PHLDB2: variants seen among roughly 807,000 people sequenced by gnomAD.
The protein encoded by PHLDB2 is pleckstrin homology-like domain family B member 2.
A neutral mutation model predicts 123.6 loss-of-function variants in PHLDB2; 71 were observed. The ratio of observed to expected loss-of-function variants is 0.57; its 90% confidence interval spans 0.47 to 0.70. The LOEUF (loss-of-function observed/expected upper bound fraction) is 0.70, where lower values mean the gene tolerates loss of function less well. PHLDB2 is among the 30% of genes least tolerant of loss of function. PHLDB2 has a pLI of 0.00. For synonymous variants in PHLDB2, 547 were observed against 541.6 expected (o/e 1.01, Z -0.14); for missense variants, 1,446 against 1,519.5 (o/e 0.95, Z 0.80).
intron 16 of PHLDB2, among the ~76,000 whole-genome samples, chr3:111,973,083 TA>T (rs2072315533): frequency 6.6e-6 from 1 of 152,210 alleles, no homozygotes; most frequent in South Asian, 2.1e-4. Flanking sequence ...AAGAACTTAG[TA>T]GATCACAGAG....
In PHLDB2 at chr3:111,749,743, C is replaced by A. The variant is rs1463529124; in HGVS notation, c.-49+17040C>A. Among the ~76,000 whole-genome samples, 3 of 152,146 alleles carry A rather than the reference C, an allele frequency of 2.0e-5. No homozygotes were observed. The South Asian group carries it at 6.2e-4, about 31-fold the overall frequency. On this transcript the variant is annotated intron_variant, in intron 1 of 17. Coordinates refer to the PHLDB2 transcript ENST00000393923. ...AATTTTAATGGCCCAAATGAAAGAG[C>A]CTTTTTTCTTTAACAATAGTATCCT... is the stretch of plus-strand genomic sequence containing the variant.
At chr3:111,805,405 A>C (rs2061536687) in intron 1 of PHLDB2, among the ~76,000 whole-genome samples, 1 of 151,650 alleles carries the variant, frequency 6.6e-6, no homozygotes, top group African/African-American at 2.4e-5. Context: ...CTAAAAATAC[A>C]AAAAAATTAG....
chr3:111,830,955 G>GAGAGAGAGAGAGAA lies in PHLDB2; in HGVS notation c.-48-14863_-48-14862insGAGAGAGAGAAAGA, dbSNP rs1553736315. 1.2e-3 allele frequency among the ~76,000 whole-genome samples: 75 copies of GAGAGAGAGAGAGAA among 63,702 alleles called. 2 individuals are homozygous for GAGAGAGAGAGAGAA. The highest frequency in any genetic ancestry group is 1.5e-3 in the Non-Finnish European group (52 of 35,382). The allele number at this position is 63,702 out of a possible 152,430, so 41.8% of individuals were successfully genotyped here. A position where few individuals can be genotyped will look rare whatever the true frequency, so the allele number is the denominator to read the frequency against. ...GAAAGAAAAGAAGGAAAGAAAGAAAGAGAAAGAAAGAAAGAAAGAAAGAAA... is the reference window on the plus strand; with the variant it reads ...GAAAGAAAAGAAGGAAAGAAAGAAAGAGAGAGAGAGAGAAAGAAAGAAAGAAAGAAAGAAAGAAA... On this transcript the variant is annotated intron_variant, in intron 1 of 17. Transcript: ENST00000393923.
intron 1 of PHLDB2, among the ~76,000 whole-genome samples, chr3:111,875,379 C>A (rs7633967): frequency 0.59 from 89,773 of 151,292 alleles, 27,909 homozygotes; most frequent in East Asian, 0.83. Flanking sequence ...CGAACTCCCA[C>A]TGTTAGGTGA....
At chr3:111,823,960 A>T (rs2062528039) in intron 1 of PHLDB2, among the ~76,000 whole-genome samples, 1 of 152,126 alleles carries the variant, frequency 6.6e-6, no homozygotes, top group African/African-American at 2.4e-5. Flanking sequence ...ATCTGGGATT[A>T]CTCATAAAAA....
intron 2 of PHLDB2, among the ~76,000 whole-genome samples, chr3:111,894,373 A>G (rs1052224033): frequency 4.9e-4 from 74 of 151,946 alleles, no homozygotes; most frequent in Admixed American, 1.1e-3. Flanking sequence ...ATAAACATAC[A>G]TGTGCATGTG....
At chr3:111,824,634 A>C (rs919368746) in intron 1 of PHLDB2, among the ~76,000 whole-genome samples, 28 of 152,190 alleles carry the variant, frequency 1.8e-4, no homozygotes, top group Non-Finnish European at 2.1e-4. Context: ...CAGCTGTGGG[A>C]AACTGTCCTC....
At chr3:111,911,661 G>C in intron 2 of PHLDB2, 1 of 1,536,298 alleles carries the variant, frequency 6.5e-7, no homozygotes, top group Non-Finnish European at 8.7e-7. Context: ...AGTGCCTGCC[G>C]TGGGAAGAGG....
Position 111,913,421 on chromosome 3 carries a change from A to G in PHLDB2, c.1438A>G (p.Asn480Asp), listed in dbSNP as rs755410418. ...CACCGTGGAAGATGTGCAGAAAATC[A>G]ACAAGGAGCTTGAGAAGCTGCAGCT... ...GTTVEDVQKI[N>D]KELEKLQLSD... Residue 480 changes from asparagine to aspartate, a missense_variant, in exon 3 of 18, where the codon AAC (asparagine) becomes GAC (aspartate). Asn to Asp is a conservative substitution (Grantham distance 23). Around this residue, in one of 3 missense-constraint regions of PHLDB2, gnomAD observed 832 missense variants for 831.9 expected, o/e 1.00. Transcript: ENST00000431670. The G allele has an allele frequency of 6.2e-7, 1 of 1,614,160 alleles. No homozygotes were observed. The highest frequency in any genetic ancestry group is 1.7e-5 in the Admixed American group (1 of 60,020).
At chr3:111,741,307 G>A (rs2059600911) in intron 1 of PHLDB2, among the ~76,000 whole-genome samples, 1 of 152,164 alleles carries the variant, frequency 6.6e-6, no homozygotes, top group South Asian at 2.1e-4. Context: ...CAGTGAAAAA[G>A]GGAAGAGGGG....
At chr3:111,747,947 C>G (rs1270804909) in intron 1 of PHLDB2, among the ~76,000 whole-genome samples, 1 of 152,194 alleles carries the variant, frequency 6.6e-6, no homozygotes, top group Non-Finnish European at 1.5e-5. Context: ...CTGTGGGCAA[C>G]TGGATGCGCT....
chr3:111,807,766 GAGA>G (rs1378445224), intron 1 of PHLDB2, among the ~76,000 whole-genome samples: 2 of 151,876 alleles, frequency 1.3e-5, no homozygotes, highest in African/African-American at 2.4e-5. Context: ...CTCAAAAAAG[GAGA>G]AGAAGAAGGA....
At chr3:111,765,288 A>T (rs75070558) in intron 1 of PHLDB2, among the ~76,000 whole-genome samples, 1 of 152,214 alleles carries the variant, frequency 6.6e-6, no homozygotes, top group African/African-American at 2.4e-5. Context: ...GGATGGACCC[A>T]AACACCAATG....
At position 111,975,364 on chromosome 3, in the gene PHLDB2, T is replaced by A. The variant is rs1424361853; in HGVS notation, c.*801T>A. 2 of 152,168 alleles carry A rather than the reference T, an allele frequency of 1.3e-5. No individual in the cohort carries two copies. The highest frequency in any genetic ancestry group is 4.8e-5 in the African/African-American group (2 of 41,452). The allele number at this position is 152,168 out of a possible 1,614,324, so 9.4% of individuals were successfully genotyped here. On this transcript the variant is annotated 3_prime_UTR_variant, in exon 18 of 18. Coordinates refer to ENST00000431670, the MANE Select transcript of PHLDB2 (RefSeq NM_001134438.2). ...TTCTGTCATGTTGAACAATTTTAAA[T>A]AAAGAGAATATCTGGTGTTAGGAGC...
At chr3:111,797,896 C>G (rs988388231) in intron 1 of PHLDB2, among the ~76,000 whole-genome samples, 5 of 152,174 alleles carry the variant, frequency 3.3e-5, no homozygotes, top group African/African-American at 1.2e-4. Context: ...CTGTGGGAAG[C>G]CACTGTGGAA....
chr3:111,860,426 T>C (rs1277598939), intron 1 of PHLDB2, among the ~76,000 whole-genome samples: 1 of 151,948 alleles, frequency 6.6e-6, no homozygotes, highest in Admixed American at 6.6e-5. Context: ...GCTTGGGGAG[T>C]ATTTTAACCC....
At chr3:111,926,966 G>C (rs2107552622) in intron 5 of PHLDB2, among the ~76,000 whole-genome samples, 1 of 152,200 alleles carries the variant, frequency 6.6e-6, no homozygotes, top group East Asian at 1.9e-4. Flanking sequence ...AATACTTCCT[G>C]ACTTATATAG....
intron 1 of PHLDB2, among the ~76,000 whole-genome samples, chr3:111,771,615 C>T (rs1282133247): frequency 6.6e-6 from 1 of 152,092 alleles, no homozygotes; most frequent in Non-Finnish European, 1.5e-5. Flanking sequence ...TTCTGGGATA[C>T]AGGCATGAGC....
chr3:111,841,664 G>A (rs925250023), intron 1 of PHLDB2, among the ~76,000 whole-genome samples: 1 of 152,182 alleles, frequency 6.6e-6, no homozygotes, highest in African/African-American at 2.4e-5. Flanking sequence ...AAATCACTCT[G>A]TACAGGGTGT....
Sources: gnomAD v4.1 joint callset for allele counts (sites outside exome capture counted in the v4.1 genomes callset) on GRCh38, gnomAD v4.1.1 for gene constraint, gnomAD v4.1.1 regional missense constraint, MANE v1.5 for transcripts, NCBI Gene and HGNC (gene_info 2026-07-23, HGNC 2026-07-21) for gene names.